AK5: variants seen among roughly 807,000 people sequenced by gnomAD.
AK5 encodes adenylate kinase 5.
AK5 carries 27 observed loss-of-function variants against 69.5 expected under a neutral mutation model. That is an observed-to-expected ratio of 0.39 (90% CI 0.29 to 0.54). The LOEUF (loss-of-function observed/expected upper bound fraction) is 0.54. Ranked by LOEUF, AK5 falls within the 20% of genes least tolerant of loss-of-function variation. The probability of loss-of-function intolerance (pLI) is 0.71; values close to 1 mark genes in which losing one functional copy is unlikely to be tolerated. For missense variants in AK5, 531 were observed against 700.4 expected (o/e 0.76, Z 2.73); for synonymous variants, 260 against 244.4 (o/e 1.06, Z -0.60).
At chr1:77,421,742 C>T (rs1383019862) in intron 8 of AK5, among the ~76,000 whole-genome samples, 15 of 152,078 alleles carry the variant, frequency 9.9e-5, no homozygotes, top group Admixed American at 9.8e-4. Context: ...CCATGTGATC[C>T]CTCCCTCTTA....
chr1:77,523,499 G>A (rs1448083638), intron 12 of AK5, among the ~76,000 whole-genome samples: 1 of 152,118 alleles, frequency 6.6e-6, no homozygotes, highest in African/African-American at 2.4e-5. Flanking sequence ...TGGGAGCGTT[G>A]TTCTACTTTT....
chr1:77,520,214 A>G (rs945127767), intron 11 of AK5, among the ~76,000 whole-genome samples: 3 of 151,938 alleles, frequency 2.0e-5, no homozygotes, highest in African/African-American at 7.3e-5. Context: ...AAAAAAAAAA[A>G]AAAAAAAGAG....
intron 8 of AK5, among the ~76,000 whole-genome samples, chr1:77,444,212 T>TATAC (rs1553151477): frequency 8.7e-6 from 1 of 114,824 alleles, no homozygotes; most frequent in African/African-American, 3.1e-5. Context: ...TATATATATA[T>TATAC]ACCACTTATG....
intron 6 of AK5, among the ~76,000 whole-genome samples, chr1:77,395,598 G>C (rs1466621459): frequency 6.6e-6 from 1 of 152,228 alleles, no homozygotes; most frequent in Non-Finnish European, 1.5e-5. Flanking sequence ...TTCAGAGCCT[G>C]TGCTCACTTT....
At chr1:77,407,756 T>C (rs1397460130) in intron 6 of AK5, among the ~76,000 whole-genome samples, 1 of 152,162 alleles carries the variant, frequency 6.6e-6, no homozygotes, top group African/African-American at 2.4e-5. Context: ...ACCCAATAGA[T>C]AGTTTTTCAA....
intron 10 of AK5, among the ~76,000 whole-genome samples, chr1:77,507,531 T>C (rs1404868347): frequency 5.3e-5 from 8 of 152,258 alleles, no homozygotes; most frequent in African/African-American, 7.2e-5. Flanking sequence ...GTCTCTCAAC[T>C]ATACCACTGG....
At chr1:77,521,444 T>C (rs1657978111) in intron 11 of AK5, among the ~76,000 whole-genome samples, 2 of 152,196 alleles carry the variant, frequency 1.3e-5, no homozygotes, top group South Asian at 4.1e-4. Context: ...AGTAAAATAC[T>C]TTTTATACCA....
At chr1:77,531,937 C>A (rs1456698904) in intron 12 of AK5, among the ~76,000 whole-genome samples, 1 of 151,316 alleles carries the variant, frequency 6.6e-6, no homozygotes, top group Non-Finnish European at 1.5e-5. Flanking sequence ...GGCGAGAAAT[C>A]GAGCACAGCA....
intron 10 of AK5, among the ~76,000 whole-genome samples, chr1:77,491,457 C>T (rs772245482): frequency 1.3e-5 from 2 of 152,032 alleles, no homozygotes; most frequent in Non-Finnish European, 2.9e-5. Context: ...CAGGCGCCTG[C>T]CATGGCGCCC....
At chr1:77,289,226 A>G (rs1402490121) in intron 2 of AK5, among the ~76,000 whole-genome samples, 1 of 152,184 alleles carries the variant, frequency 6.6e-6, no homozygotes, top group East Asian at 1.9e-4. Flanking sequence ...CACAGCTTAG[A>G]TGTGCCCTCT....
At chr1:77,398,545 G>A (rs1004459222) in intron 6 of AK5, among the ~76,000 whole-genome samples, 4 of 152,110 alleles carry the variant, frequency 2.6e-5, no homozygotes, top group Admixed American at 2.0e-4. Context: ...AGGGGAAAAG[G>A]GTATGTTAAT....
intron 5 of AK5, among the ~76,000 whole-genome samples, chr1:77,328,883 T>G (rs1660945372): frequency 6.6e-6 from 1 of 152,184 alleles, no homozygotes; most frequent in Non-Finnish European, 1.5e-5. Context: ...CGGAAGTGAA[T>G]ATGGCTTATG....
chr1:77,451,893 T>C (rs566210613), intron 8 of AK5, among the ~76,000 whole-genome samples: 1 of 152,358 alleles, frequency 6.6e-6, no homozygotes, highest in East Asian at 1.9e-4. Flanking sequence ...CTGTGCTTAC[T>C]GAATTAATCA....
At chr1:77,418,112 G>T (rs1418405702) in intron 8 of AK5, among the ~76,000 whole-genome samples, 4 of 152,286 alleles carry the variant, frequency 2.6e-5, no homozygotes, top group African/African-American at 9.6e-5. Context: ...TCAAGCTGCT[G>T]ATAAAGACAT....
chr1:77,535,945 C>T lies in AK5; in HGVS notation c.1527C>T (p.Asp509=), dbSNP rs1658935762. 1.2e-6 allele frequency: 2 copies of T among 1,614,162 alleles called. No individual in the cohort carries two copies. The highest frequency in any genetic ancestry group is 8.5e-7 in the Non-Finnish European group (1 of 1,180,024). ...QRSRSSLPVD[D]TTKTIAKRLE... The stretch of plus-strand genomic sequence containing the variant: ...GCCGGAGCAGCCTGCCTGTGGACGA[C>T]ACCACCAAGACCATCGCCAAGCGCC... Residue 509 remains aspartate (D), a synonymous_variant, in exon 13 of 14, where the codon GAC becomes GAT. Coordinates refer to ENST00000354567, the MANE Select transcript of AK5 (RefSeq NM_174858.3).
At chr1:77,488,109 A>G (rs1048296653) in intron 10 of AK5, among the ~76,000 whole-genome samples, 1 of 152,064 alleles carries the variant, frequency 6.6e-6, no homozygotes, top group African/African-American at 2.4e-5. Flanking sequence ...GGGAGGTGAG[A>G]GGAGGCAAAG....
At chr1:77,395,117 G>C (rs2100535948) in intron 6 of AK5, among the ~76,000 whole-genome samples, 1 of 152,194 alleles carries the variant, frequency 6.6e-6, no homozygotes, top group African/African-American at 2.4e-5. Flanking sequence ...AGACATAATG[G>C]ATTCTTTTTT....
intron 5 of AK5, among the ~76,000 whole-genome samples, chr1:77,333,590 T>C (rs978209296): frequency 1.3e-5 from 2 of 150,648 alleles, no homozygotes; most frequent in Non-Finnish European, 3.0e-5. Context: ...ACAACTTTTT[T>C]TGTGATTATT....
At chr1:77,411,492 C>G (rs1410361919) in intron 7 of AK5, among the ~76,000 whole-genome samples, 1 of 152,144 alleles carries the variant, frequency 6.6e-6, no homozygotes, top group Non-Finnish European at 1.5e-5. Context: ...ACCCACAGCT[C>G]CTGTGTGACC....
Sources: allele counts gnomAD v4.1 joint callset (sites outside exome capture counted in the v4.1 genomes callset), GRCh38; gene constraint gnomAD v4.1.1; transcripts MANE v1.5; gene names NCBI Gene and HGNC (gene_info 2026-07-23, HGNC 2026-07-21).